Variants in NUP58 observed in about 807,000 individuals in gnomAD.
NUP58 encodes nucleoporin p58/p45.
Under a neutral mutation model 70.1 loss-of-function variants are expected in NUP58, and 17 were observed. The ratio of observed to expected loss-of-function variants is 0.24; its 90% CI spans 0.17 to 0.36. The LOEUF (loss-of-function observed/expected upper bound fraction) is 0.36, where lower values mean the gene tolerates loss of function less well. NUP58 is among the 10% of genes least tolerant of loss of function. The pLI is 1.00. For synonymous variants in NUP58, 275 were observed against 257.6 expected (o/e 1.07, Z -0.65); for missense variants, 644 against 701.5 (o/e 0.92, Z 0.93).
chr13:25,338,502 A>T (rs2031858970), intron 14 of NUP58, 134 bp from the exon 15 acceptor site: 1 of 586,438 alleles, frequency 1.7e-6, no homozygotes, highest in Non-Finnish European at 3.1e-6. Flanking sequence ...AGGAGTAAGC[A>T]GATTTCCTTA....
intron 1 of NUP58, among the ~76,000 whole-genome samples, chr13:25,304,124 A>G (rs367815592): frequency 1.3e-5 from 2 of 152,126 alleles, no homozygotes; most frequent in East Asian, 1.9e-4. Context: ...AATATTTAGC[A>G]TCAAGTCTGG....
intron 15 of NUP58, 138 bp downstream of exon 15, chr13:25,338,869 GCCTAACTAATCATTTTAC>G (rs1470541333): frequency 3.5e-6 from 2 of 577,062 alleles, no homozygotes; most frequent in Non-Finnish European, 6.1e-6. Flanking sequence ...AAGTGTGCAA[GCCTAACTAATCATTTTAC>G]TTTATCTCTC....
intron 12 of NUP58, among the ~76,000 whole-genome samples, chr13:25,328,193 C>T (rs185901457): frequency 2.0e-5 from 3 of 151,006 alleles, no homozygotes; most frequent in African/African-American, 7.3e-5. Flanking sequence ...AGCAAGATTC[C>T]ATCTCAAAAA....
chr13:25,322,228 G>T (rs74042919), intron 9 of NUP58, among the ~76,000 whole-genome samples: 15 of 152,268 alleles, frequency 9.9e-5, no homozygotes, highest in South Asian at 6.2e-4. Context: ...CTTCACAAAC[G>T]AAGTGGTAGT....
chr13:25,313,159 T>G, intron 4 of NUP58, 127 bp downstream of exon 4: 1 of 1,124,854 alleles, frequency 8.9e-7, no homozygotes, highest in South Asian at 1.6e-5. Flanking sequence ...GCTTTGAGCA[T>G]TGAAGCAGGA....
At chr13:25,332,479 C>G (rs1432023550) in intron 13 of NUP58, 27 of 983,296 alleles carry the variant, frequency 2.7e-5, no homozygotes, top group Non-Finnish European at 3.1e-5. Flanking sequence ...GCTTACTATT[C>G]AATAGCATGT....
At position 25,309,302 on chromosome 13, in the gene NUP58, G is replaced by C; in HGVS notation, c.286+20G>C. On this transcript the variant is annotated intron_variant, in intron 3 of 15. Transcript: ENST00000381736. Reference sequence around the variant, plus strand: ...CTCTGGGTAAGAATTTTTGAGGAAAGATCCCAGCTCTGTGGTCTTCTAATA... The same window carrying C: ...CTCTGGGTAAGAATTTTTGAGGAAACATCCCAGCTCTGTGGTCTTCTAATA... 6.3e-7 allele frequency: 1 copy of C among 1,581,178 alleles called. No homozygotes were observed. The highest frequency in any genetic ancestry group is 1.1e-5 in the South Asian group (1 of 89,912).
At chr13:25,305,130 G>GTTTTTTTTTTT (rs562132125) in intron 1 of NUP58, among the ~76,000 whole-genome samples, 47 of 58,558 alleles carry the variant, frequency 8.0e-4, no homozygotes, top group East Asian at 2.1e-3. Flanking sequence ...GATCTGTGGG[G>GTTTTTTTTTTT]TTTTTTTTTT....
chr13:25,316,832 T>G lies in NUP58; in HGVS notation c.685+1365T>G, dbSNP rs193073508. Among the ~76,000 whole-genome samples, 37 of 152,310 alleles carry G rather than the reference T, an allele frequency of 2.4e-4. No homozygotes were observed. The East Asian group carries it at 6.7e-3, about 28-fold the overall frequency. ...TCTGCCCCTCCCCACATCTTCCTGC[T>G]TTCATAGTGTACCTAAGATAGAGTT... On this transcript the variant is annotated intron_variant, in intron 6 of 15. Transcript: ENST00000381736.
intron 9 of NUP58, among the ~76,000 whole-genome samples, chr13:25,322,141 T>C (rs1441642109): frequency 1.3e-5 from 2 of 152,226 alleles, no homozygotes; most frequent in African/African-American, 4.8e-5. Context: ...AATCTTTCCG[T>C]GAAGTTGTCC....
intron 1 of NUP58, among the ~76,000 whole-genome samples, chr13:25,303,675 A>G (rs553285066): frequency 6.6e-6 from 1 of 152,104 alleles, no homozygotes; most frequent in South Asian, 2.1e-4. Context: ...GCTGATCACA[A>G]TTGTAATCAG....
At chr13:25,314,194 A>G (rs945692712) in intron 5 of NUP58, among the ~76,000 whole-genome samples, 3 of 152,024 alleles carry the variant, frequency 2.0e-5, no homozygotes, top group African/African-American at 7.2e-5. Flanking sequence ...TGGCCTCCCA[A>G]AGTGCTGAGA....
chr13:25,329,726 A>G (rs2031535901), intron 12 of NUP58, among the ~76,000 whole-genome samples: 1 of 152,132 alleles, frequency 6.6e-6, no homozygotes, highest in African/African-American at 2.4e-5. Context: ...TAACTATTCT[A>G]TCCAGCCAGG....
rs2137746258 is a variant in NUP58 at position 25,313,771 on chromosome 13, C to A, written c.574+20C>A. The A allele has an allele frequency of 6.7e-7, 1 of 1,499,800 alleles. No individual in the cohort carries two copies. Among genetic ancestry groups the A allele is most frequent in the Non-Finnish European group, 8.8e-7 (1 of 1,133,652 alleles). The allele number at this position is 1,499,800 out of a possible 1,614,324, so 92.9% of individuals were successfully genotyped here. The stretch of plus-strand genomic sequence containing the variant: ...CATCAGGTAATTGATGGTATTTATT[C>A]TCCAGAATAGTAAATATTTATATTT... On this transcript the variant is annotated intron_variant, in intron 5 of 15. Coordinates refer to ENST00000381736, the MANE Select transcript of NUP58 (RefSeq NM_014089.4).
In NUP58 at chr13:25,334,300, A is replaced by G. The variant is rs920915379; in HGVS notation, c.1436-2636A>G. 72 of 985,344 alleles carry G rather than the reference A, an allele frequency of 7.3e-5. 1 individual carries two copies. In the South Asian group the frequency reaches 2.1e-3, roughly 28 times the overall value. 61.0% of individuals were successfully genotyped at this position (985,344 alleles called of 1,614,324 possible). A position where few individuals can be genotyped will look rare whatever the true frequency, so the allele number is the denominator to read the frequency against. On this transcript the variant is annotated intron_variant, in intron 13 of 15. Coordinates refer to ENST00000381736, the MANE Select transcript of NUP58 (RefSeq NM_014089.4). ...TTAATTTAGGATAGGTTTTTTAGCA[A>G]TGTATCTGGGATTGAGTTTTGCTAT...
intron 1 of NUP58, among the ~76,000 whole-genome samples, chr13:25,304,497 TATATATATATATATATATATGTA>T (rs1287645530): frequency 1.7e-5 from 2 of 115,392 alleles, no homozygotes; most frequent in East Asian, 6.2e-4. Flanking sequence ...TATATATATA[TATATATATATATATATATATGTA>T]TTTTTTTTTT....
downstream of NUP58, among the ~76,000 whole-genome samples, chr13:25,346,333 G>A (rs1386964464): frequency 1.3e-5 from 2 of 152,112 alleles, no homozygotes; most frequent in Non-Finnish European, 2.9e-5. Context: ...AAGTGAATGG[G>A]CCAGAATTCA....
In NUP58 at chr13:25,340,042, G is replaced by T; in HGVS notation, c.1708G>T (p.Val570Leu). The T allele has an allele frequency of 6.2e-7, 1 of 1,613,904 alleles. No homozygotes were observed. Among genetic ancestry groups the T allele is most frequent in the Non-Finnish European group, 8.5e-7 (1 of 1,179,926 alleles). The change falls in exon 16 of 16, where the codon GTG becomes TTG. Residue 570 changes from valine (V) to leucine (L), a missense_variant. Val to Leu is a conservative substitution (Grantham distance 32). This residue lies in a region of NUP58 where 132 missense variants were observed against 203.9 expected (regional missense o/e 0.65). Transcript: ENST00000381736. ...ITASAGLTFG[V>L]SNPASAGFGT... ...GGCATCAGCTGGTTTGACTTTTGGG[G>T]TGTCCAATCCTGCCTCTGCAGGTTT...
At chr13:25,343,888 C>CTGT (rs142712576), downstream of NUP58, among the ~76,000 whole-genome samples, 1 of 75,952 alleles carries the variant, frequency 1.3e-5, no homozygotes, top group East Asian at 9.4e-4. Context: ...ACCAACTATT[C>CTGT]TCTGGATGGT....
Sources: gnomAD v4.1 joint callset for allele counts (sites outside exome capture counted in the v4.1 genomes callset) on GRCh38, gnomAD v4.1.1 for gene constraint, gnomAD v4.1.1 regional missense constraint, MANE v1.5 for transcripts, NCBI Gene and HGNC (gene_info 2026-07-23, HGNC 2026-07-21) for gene names.